PITPNB: variants seen among roughly 807,000 people sequenced by gnomAD.
PITPNB encodes phosphatidylinositol transfer protein beta isoform.
Under a neutral mutation model 45.9 loss-of-function variants are expected in PITPNB, and 16 were observed. The observed-to-expected ratio is 0.35, with a 90% CI of 0.24 to 0.53. PITPNB has a LOEUF of 0.53. Ranked by LOEUF, PITPNB falls within the 20% of genes least tolerant of loss-of-function variation. PITPNB has a pLI of 0.93. For missense variants in PITPNB, 188 were observed against 330.5 expected (o/e 0.57, Z 3.34); for synonymous variants, 112 against 108.9 (o/e 1.03, Z -0.18).
chr22:27,855,806 T>C (rs1934156189), intron 10 of PITPNB, among the ~76,000 whole-genome samples: 1 of 152,206 alleles, frequency 6.6e-6, no homozygotes, highest in Non-Finnish European at 1.5e-5. Context: ...ATCCAATTCT[T>C]AAAATATTTG....
rs145991760 is a variant in PITPNB, at chr22:27,911,927, C to T, written c.52-818G>A. ...ACCTGTAAGTCAACTGTATTTTCTACGCCAATCTGGAGTCGCTAGTTCCAA... is the reference window on the plus strand; with the variant it reads ...ACCTGTAAGTCAACTGTATTTTCTATGCCAATCTGGAGTCGCTAGTTCCAA... On this transcript the variant is annotated intron_variant, in intron 2 of 11. Transcript: ENST00000335272. 6.5e-3 allele frequency among the ~76,000 whole-genome samples: 996 copies of T among 152,244 alleles called. 12 individuals are homozygous for T. Among genetic ancestry groups the T allele is most frequent in the African/African-American group, 0.022 (933 of 41,536 alleles).
At chr22:27,914,127 T>TAG (rs1323606185) in intron 2 of PITPNB, among the ~76,000 whole-genome samples, 190 bp downstream of exon 2, 3 of 152,236 alleles carry the variant, frequency 2.0e-5, no homozygotes, top group Admixed American at 1.3e-4. Flanking sequence ...CAAGGCAGTG[T>TAG]AGCAAGAAAT....
At chr22:27,860,476 G>GT in intron 8 of PITPNB, 1 of 380,476 alleles carries the variant, frequency 2.6e-6, no homozygotes, top group East Asian at 4.4e-5. Context: ...TAATAGGTAT[G>GT]TTGCTCTGCC....
chr22:27,864,084 A>G (rs772714822), intron 8 of PITPNB, among the ~76,000 whole-genome samples: 6 of 152,192 alleles, frequency 3.9e-5, no homozygotes, highest in South Asian at 2.1e-4. Context: ...TAAAAAACAA[A>G]CAACTAAACA....
chr22:27,904,177 A>G (rs2146415327), intron 3 of PITPNB, among the ~76,000 whole-genome samples: 1 of 152,348 alleles, frequency 6.6e-6, no homozygotes, highest in Middle Eastern at 3.4e-3. Flanking sequence ...ACAAAAAAGT[A>G]TGCACAAATG....
intron 8 of PITPNB, among the ~76,000 whole-genome samples, chr22:27,870,450 T>C (rs180677157): frequency 6.6e-6 from 1 of 152,182 alleles, no homozygotes; most frequent in Non-Finnish European, 1.5e-5. Context: ...TCTGTACTGG[T>C]AAGGCAGGTT....
chr22:27,861,223 C>G (rs1320265366), intron 8 of PITPNB, among the ~76,000 whole-genome samples: 1 of 151,772 alleles, frequency 6.6e-6, no homozygotes, highest in East Asian at 1.9e-4. Context: ...ATCCCAGCTA[C>G]TAGGGAGGCA....
intron 3 of PITPNB, among the ~76,000 whole-genome samples, chr22:27,899,668 A>G (rs1347919899): frequency 6.6e-6 from 1 of 152,206 alleles, no homozygotes; most frequent in Non-Finnish European, 1.5e-5. Flanking sequence ...CAAACTTCAG[A>G]AACACCAAGC....
At chr22:27,859,270 T>C (rs1229809782) in intron 9 of PITPNB, among the ~76,000 whole-genome samples, 1 of 152,240 alleles carries the variant, frequency 6.6e-6, no homozygotes, top group African/African-American at 2.4e-5. Flanking sequence ...TGCCAATATT[T>C]ACAGAATGCT....
At chr22:27,909,463 G>A (rs116772496) in intron 3 of PITPNB, among the ~76,000 whole-genome samples, 6,536 of 151,962 alleles carry the variant, frequency 0.043, 236 homozygotes, top group African/African-American at 0.091. Flanking sequence ...AAAGAGAAAA[G>A]AAACAATGAA....
intron 1 of PITPNB, among the ~76,000 whole-genome samples, chr22:27,916,232 G>T (rs995484831): frequency 6.6e-6 from 1 of 152,198 alleles, no homozygotes; most frequent in Non-Finnish European, 1.5e-5. Context: ...AGAACAATGA[G>T]TCAAGTAACT....
intron 9 of PITPNB, among the ~76,000 whole-genome samples, chr22:27,859,063 AT>A (rs1400245589): frequency 1.8e-4 from 28 of 152,334 alleles, no homozygotes; most frequent in Admixed American, 1.6e-3. Flanking sequence ...AGCGGTTTCA[AT>A]TGATGGATTA....
chr22:27,883,617 C>T (rs1462103590), intron 7 of PITPNB, among the ~76,000 whole-genome samples: 1 of 152,254 alleles, frequency 6.6e-6, no homozygotes, highest in Non-Finnish European at 1.5e-5. Context: ...GGGCAGACCA[C>T]ACTTGAATGC....
intron 7 of PITPNB, among the ~76,000 whole-genome samples, chr22:27,884,214 C>A (rs1006610023): frequency 5.9e-5 from 9 of 152,090 alleles, no homozygotes; most frequent in African/African-American, 2.2e-4. Context: ...GTCCCCATTA[C>A]CCCCTGGGGG....
At chr22:27,914,644 T>C (rs1936026782) in intron 1 of PITPNB, among the ~76,000 whole-genome samples, 1 of 152,184 alleles carries the variant, frequency 6.6e-6, no homozygotes, top group Non-Finnish European at 1.5e-5. Flanking sequence ...ACATTGAAAA[T>C]TGCAGGGTAC....
At chr22:27,877,472 A>C (rs531642938) in intron 7 of PITPNB, among the ~76,000 whole-genome samples, 2 of 152,368 alleles carry the variant, frequency 1.3e-5, no homozygotes, top group Admixed American at 1.3e-4. Context: ...GAGTCTCCAC[A>C]CTGGAGCCAC....
chr22:27,872,081 GTTTTTTTTTTTTT>G (rs58288724), intron 8 of PITPNB, among the ~76,000 whole-genome samples: 713 of 64,478 alleles, frequency 0.011, 13 homozygotes, highest in African/African-American at 0.04. Context: ...ATTAAGCCTG[GTTTTTTTTTTTTT>G]TTTTTTTTTT....
intron 8 of PITPNB, among the ~76,000 whole-genome samples, chr22:27,871,073 G>A (rs890438664): frequency 9.2e-5 from 14 of 152,170 alleles, no homozygotes; most frequent in Non-Finnish European, 1.9e-4. Flanking sequence ...AAAAACTGCA[G>A]TTCTGCAATC....
intron 10 of PITPNB, 85 bp from the exon 11 acceptor site, chr22:27,855,024 A>G: frequency 1.1e-6 from 1 of 896,326 alleles, no homozygotes; most frequent in Non-Finnish European, 1.8e-6. Context: ...GATCTAGAAG[A>G]GATTATGAAG....
Sources: gnomAD v4.1 joint callset for allele counts (sites outside exome capture counted in the v4.1 genomes callset) on GRCh38, gnomAD v4.1.1 for gene constraint, MANE v1.5 for transcripts, NCBI Gene and HGNC (gene_info 2026-07-23, HGNC 2026-07-21) for gene names.